Variants in FTO observed in about 807,000 individuals in gnomAD.
FTO encodes FTO alpha-ketoglutarate dependent dioxygenase.
In FTO, 47 loss-of-function variants were observed where a neutral mutation model predicts 63.9. The observed-to-expected ratio is 0.74, with a 90% CI of 0.58 to 0.94. FTO has a LOEUF of 0.94. Among genes scored for constraint, FTO ranks in the 40% least tolerant of loss-of-function variants. The probability of loss-of-function intolerance (pLI) is 0.00; values close to 1 mark genes in which losing one functional copy is unlikely to be tolerated. For missense variants in FTO, 562 were observed against 618.1 expected (o/e 0.91, Z 0.96); for synonymous variants, 207 against 224.4 (o/e 0.92, Z 0.69).
intron 4 of FTO, among the ~76,000 whole-genome samples, chr16:53,858,229 A>G (rs2080066347): frequency 6.6e-6 from 1 of 152,200 alleles, no homozygotes; most frequent in Admixed American, 6.5e-5. Context: ...CATCTCTGAA[A>G]TTGGAATCCA....
Position 54,009,365 on chromosome 16 carries a change from T to G in FTO, c.1364+75256T>G, listed in dbSNP as rs192668752. ...AAATGATAATCTAAATTTTAAAAACTTATTTTCCGTTCATCAAACTACTCT... is the reference window on the plus strand; with the variant it reads ...AAATGATAATCTAAATTTTAAAAACGTATTTTCCGTTCATCAAACTACTCT... On this transcript the variant is annotated intron_variant, in intron 8 of 8. Coordinates refer to ENST00000471389, the MANE Select transcript of FTO (RefSeq NM_001080432.3). Among the ~76,000 whole-genome samples, 266 of 152,324 alleles carry G rather than the reference T, an allele frequency of 1.7e-3. 2 individuals carry two copies. Among genetic ancestry groups the G allele is most frequent in the Non-Finnish European group, 2.4e-3 (160 of 68,036 alleles).
intron 4 of FTO, among the ~76,000 whole-genome samples, chr16:53,859,601 A>C (rs1263464091): frequency 2.0e-5 from 3 of 151,276 alleles, no homozygotes; most frequent in Middle Eastern, 3.5e-3. Context: ...CAGGTTAACA[A>C]GTAACCTGAC....
chr16:53,984,859 G>A (rs2083630018), intron 8 of FTO: 1 of 451,682 alleles, frequency 2.2e-6, no homozygotes, highest in African/African-American at 2.0e-5. Context: ...CTTTTGGATT[G>A]TTTAGCTGTC....
intron 8 of FTO, among the ~76,000 whole-genome samples, chr16:53,983,539 AC>A (rs1177273759): frequency 6.6e-6 from 1 of 152,060 alleles, no homozygotes; most frequent in Non-Finnish European, 1.5e-5. Flanking sequence ...AGTTTCAGAA[AC>A]CCTTTTCTCT....
intron 1 of FTO, among the ~76,000 whole-genome samples, chr16:53,763,939 G>A (rs556544836): frequency 2.6e-5 from 4 of 152,268 alleles, no homozygotes; most frequent in East Asian, 3.9e-4. Context: ...GGAAAGAATC[G>A]GGATTTTTGA....
Position 53,802,058 on chromosome 16 carries a change from G to A in FTO, c.46-8082G>A, listed in dbSNP as rs181709155. ...GGATTACAGGTGTGAGCCACCACAC[G>A]CAGTCTTATTTGGTTTTATTTTTAT... On this transcript the variant is annotated intron_variant, in intron 1 of 8. Coordinates refer to ENST00000471389, the MANE Select transcript of FTO (RefSeq NM_001080432.3). 1.7e-3 allele frequency among the ~76,000 whole-genome samples: 253 copies of A among 152,124 alleles called. 1 individual carries two copies. The highest frequency in any genetic ancestry group is 2.6e-3 in the Non-Finnish European group (176 of 67,966).
chr16:53,760,526 G>A (rs1028506652), intron 1 of FTO, among the ~76,000 whole-genome samples: 2 of 151,674 alleles, frequency 1.3e-5, no homozygotes, highest in African/African-American at 2.4e-5. Flanking sequence ...GATTACAGGC[G>A]TGAGCCACCA....
intron 8 of FTO, among the ~76,000 whole-genome samples, chr16:54,075,084 T>C (rs1408309696): frequency 1.3e-5 from 2 of 152,248 alleles, no homozygotes; most frequent in Non-Finnish European, 2.9e-5. Flanking sequence ...TCTTCGTTTG[T>C]GAAATACTTG....
chr16:53,871,689 C>T (rs1023197022), intron 4 of FTO, among the ~76,000 whole-genome samples: 4 of 150,852 alleles, frequency 2.7e-5, no homozygotes, highest in African/African-American at 9.7e-5. Flanking sequence ...TTGGCTTTTG[C>T]TCTAATGAAT....
chr16:53,749,539 T>C (rs986282349), intron 1 of FTO, among the ~76,000 whole-genome samples: 10 of 151,590 alleles, frequency 6.6e-5, no homozygotes, highest in Admixed American at 1.3e-4. Context: ...CCCGGGTTCA[T>C]GCCATTCTCC....
intron 7 of FTO, among the ~76,000 whole-genome samples, chr16:53,909,545 T>G (rs1217119970): frequency 1.3e-4 from 18 of 143,400 alleles, no homozygotes; most frequent in Non-Finnish European, 2.6e-4. Flanking sequence ...TTTTTTTTTT[T>G]TTTTTTTTTT....
At position 53,997,195 on chromosome 16, in the gene FTO, GAGAA is replaced by G. The variant is rs1318353972; in HGVS notation, c.1364+63095_1364+63098del. ...AGAGGGAGAGAAAGAAGGAAGGAAG[GAGAA>G]AGAAAGAAGGAAGGAAGGAGAGAGA... On this transcript the variant is annotated intron_variant, in intron 8 of 8. Coordinates refer to ENST00000471389, the MANE Select transcript of FTO (RefSeq NM_001080432.3). Among the ~76,000 whole-genome samples, 139 of 146,272 alleles carry G rather than the reference GAGAA, an allele frequency of 9.5e-4. 1 individual carries two copies. The highest frequency in any genetic ancestry group is 1.1e-3 in the African/African-American group (45 of 40,466).
intron 2 of FTO, among the ~76,000 whole-genome samples, chr16:53,813,567 C>A (rs2078593128): frequency 6.6e-6 from 1 of 152,160 alleles, no homozygotes; most frequent in Admixed American, 6.5e-5. Context: ...TAAAAGTAAA[C>A]CTCTTCTCTT....
intron 8 of FTO, among the ~76,000 whole-genome samples, chr16:54,048,534 A>T (rs2085238624): frequency 6.6e-6 from 1 of 152,226 alleles, no homozygotes; most frequent in African/African-American, 2.4e-5. Flanking sequence ...TCTTATTAGG[A>T]TCAGAAAGAA....
At chr16:54,091,117 A>C (rs1254424502) in intron 8 of FTO, among the ~76,000 whole-genome samples, 3 of 152,182 alleles carry the variant, frequency 2.0e-5, no homozygotes, top group African/African-American at 7.2e-5. Flanking sequence ...TGAGTGCTGG[A>C]GGTGTGGTCC....
rs1793216541 is a variant in FTO, at chr16:54,119,654, T to A, written c.*7739T>A. 6.6e-6 allele frequency: 1 copy of A among 152,234 alleles called. No individual in the cohort carries two copies. Among genetic ancestry groups the A allele is most frequent in the Non-Finnish European group, 1.5e-5 (1 of 68,046 alleles). 9.4% of individuals were successfully genotyped at this position (152,234 alleles called of 1,614,324 possible). A position where few individuals can be genotyped will look rare whatever the true frequency, so the allele number is the denominator to read the frequency against. On this transcript the variant is annotated 3_prime_UTR_variant, in exon 9 of 9. Transcript: ENST00000471389. ...TTCTCAAAATCAAAACAGAGTTTAG[T>A]AGGCAGCGTATTTCATACATGCCCC...
chr16:53,906,791 A>G (rs1474377724), intron 7 of FTO, among the ~76,000 whole-genome samples: 2 of 151,966 alleles, frequency 1.3e-5, no homozygotes, highest in Non-Finnish European at 2.9e-5. Context: ...CGTTCCCCCA[A>G]ACTAGCCCCC....
Position 53,728,781 on chromosome 16 carries a change from G to A in FTO, c.45+24552G>A, listed in dbSNP as rs80127774. 7.6e-5 allele frequency among the ~76,000 whole-genome samples: 4 copies of A among 52,412 alleles called. No homozygotes were observed. The East Asian group carries it at 1.2e-3, about 16-fold the overall frequency. The allele number at this position is 52,412 out of a possible 152,430, so 34.4% of individuals were successfully genotyped here. ...CCATACTTCTTTTTTTTTTTTTTTT[G>A]TCAGGGAGTCTCGCTCTGTCACCCA... On this transcript the variant is annotated intron_variant, in intron 1 of 8. Transcript: ENST00000471389.
chr16:53,905,877 G>T (rs1241544204), intron 7 of FTO, among the ~76,000 whole-genome samples: 1 of 152,088 alleles, frequency 6.6e-6, no homozygotes, highest in Non-Finnish European at 1.5e-5. Flanking sequence ...TTTTATGCTA[G>T]TGGTGCTTTG....
Sources: allele counts gnomAD v4.1 joint callset (sites outside exome capture counted in the v4.1 genomes callset), GRCh38; gene constraint gnomAD v4.1.1; transcripts MANE v1.5; gene names NCBI Gene and HGNC (gene_info 2026-07-23, HGNC 2026-07-21).